LTBP1: variants seen among roughly 807,000 people sequenced by gnomAD.
The protein encoded by LTBP1 is latent transforming growth factor beta binding protein 1, also known as latent-transforming growth factor beta-binding protein 1.
In LTBP1, 129 loss-of-function variants were observed where a neutral mutation model predicts 207.6. The observed-to-expected ratio is 0.62, with a 90% CI of 0.54 to 0.72. The LOEUF (loss-of-function observed/expected upper bound fraction) is 0.72. Ranked by LOEUF, LTBP1 falls within the 30% of genes least tolerant of loss-of-function variation. The probability of loss-of-function intolerance (pLI) is 0.00; values close to 1 mark genes in which losing one functional copy is unlikely to be tolerated. For missense variants in LTBP1, 2,281 were observed against 2,217.2 expected (o/e 1.03, Z -0.58); for synonymous variants, 963 against 833.7 (o/e 1.16, Z -2.67).
intron 9 of LTBP1, among the ~76,000 whole-genome samples, chr2:33,242,534 C>G (rs1161534024): frequency 3.3e-5 from 5 of 151,920 alleles, no homozygotes; most frequent in Non-Finnish European, 7.4e-5. Context: ...TTCCTGCCTT[C>G]TTTCTTCCTC....
chr2:33,053,785 T>C (rs1309844778), intron 3 of LTBP1, among the ~76,000 whole-genome samples: 1 of 152,232 alleles, frequency 6.6e-6, no homozygotes, highest in Admixed American at 6.5e-5. Context: ...GCCTTCGACC[T>C]AGACACCTTG....
At chr2:33,004,786 A>AATATGTATATATATAT (rs1553365180) in intron 2 of LTBP1, among the ~76,000 whole-genome samples, 1 of 101,130 alleles carries the variant, frequency 9.9e-6, no homozygotes, top group African/African-American at 3.5e-5. Context: ...AAAAAAAAGG[A>AATATGTATATATATAT]ATATATATAT....
chr2:33,124,916 T>C (rs550025856), intron 4 of LTBP1, among the ~76,000 whole-genome samples: 7 of 152,296 alleles, frequency 4.6e-5, no homozygotes, highest in African/African-American at 1.7e-4. Context: ...CTGTGGGTGG[T>C]TTTGTATTCT....
chr2:33,346,780 CA>C (rs1436038250), intron 25 of LTBP1, among the ~76,000 whole-genome samples: 1 of 151,970 alleles, frequency 6.6e-6, no homozygotes, highest in African/African-American at 2.4e-5. Context: ...TCAGTGGGCA[CA>C]TACTAGTTTT....
intron 9 of LTBP1, among the ~76,000 whole-genome samples, chr2:33,228,932 C>G (rs1008662201): frequency 6.6e-6 from 1 of 151,846 alleles, no homozygotes; most frequent in African/African-American, 2.4e-5. Flanking sequence ...ATCTCCCAAC[C>G]TTCTGATTCA....
At chr2:33,065,451 G>A (rs2077464394) in intron 3 of LTBP1, among the ~76,000 whole-genome samples, 1 of 152,122 alleles carries the variant, frequency 6.6e-6, no homozygotes, top group Non-Finnish European at 1.5e-5. Context: ...CTACTCAGGA[G>A]GCAGATGTCG....
At chr2:33,334,710 A>G (rs925276588) in intron 24 of LTBP1, among the ~76,000 whole-genome samples, 2 of 152,086 alleles carry the variant, frequency 1.3e-5, no homozygotes, top group African/African-American at 4.8e-5. Context: ...GTTGACAAAA[A>G]TGGAGCAGTG....
chr2:33,273,420 C>T (rs78333831), intron 15 of LTBP1, among the ~76,000 whole-genome samples: 3,613 of 152,136 alleles, frequency 0.024, 150 homozygotes, highest in African/African-American at 0.083. Flanking sequence ...CACTTCAGTT[C>T]ATCTTAAAAA....
In LTBP1 at chr2:33,347,222, C is replaced by T; in HGVS notation, c.3857-145C>T. On this transcript the variant is annotated intron_variant, in intron 25 of 33. Transcript: ENST00000404816. ...ACAGCTCTACCTTAAAGAGCCCCTTCCCTAAAAGAGCAGAAGGGGTTTGAC... is the reference window on the plus strand; with the variant it reads ...ACAGCTCTACCTTAAAGAGCCCCTTTCCTAAAAGAGCAGAAGGGGTTTGAC... 5.3e-6 allele frequency: 4 copies of T among 758,006 alleles called. No individual in the cohort carries two copies. The South Asian group carries it at 5.3e-5, about 10-fold the overall frequency. The allele number at this position is 758,006 out of a possible 1,614,324, so 47.0% of individuals were successfully genotyped here. A position where few individuals can be genotyped will look rare whatever the true frequency, so the allele number is the denominator to read the frequency against.
chr2:33,207,134 A>G (rs4670307), intron 7 of LTBP1, among the ~76,000 whole-genome samples: 87,029 of 152,034 alleles, frequency 0.57, 25,095 homozygotes, highest in Middle Eastern at 0.61. Flanking sequence ...AATAGGCAGC[A>G]CAGATTCTAT....
At chr2:33,122,683 A>G (rs1325028930) in intron 4 of LTBP1, among the ~76,000 whole-genome samples, 1 of 152,254 alleles carries the variant, frequency 6.6e-6, no homozygotes, top group Non-Finnish European at 1.5e-5. Flanking sequence ...GAAGTTCAAC[A>G]GCATTTCTGA....
At chr2:32,958,556 G>A (rs1678470355) in intron 2 of LTBP1, among the ~76,000 whole-genome samples, 1 of 152,212 alleles carries the variant, frequency 6.6e-6, no homozygotes, top group African/African-American at 2.4e-5. Context: ...CTCCTGGGAA[G>A]CAGGTCCCTT....
rs1301739275 is a variant in LTBP1 at position 33,163,782 on chromosome 2, C to T, written c.1202-23074C>T. 2.0e-5 allele frequency among the ~76,000 whole-genome samples: 3 copies of T among 152,046 alleles called. No homozygotes were observed. In the South Asian group the frequency reaches 6.2e-4, roughly 31 times the overall value. On this transcript the variant is annotated intron_variant, in intron 5 of 33. Coordinates refer to ENST00000404816, the MANE Select transcript of LTBP1 (RefSeq NM_206943.4). ...GGGGGAGAAAAAGAAAATAAATTAA[C>T]CTACGTCAAAATCATTGATTTCTAG... is the stretch of plus-strand genomic sequence containing the variant.
intron 31 of LTBP1, among the ~76,000 whole-genome samples, chr2:33,381,092 G>A (rs376360471): frequency 1.2e-4 from 18 of 152,134 alleles, no homozygotes; most frequent in Admixed American, 7.2e-4. Flanking sequence ...TTTGTTTATT[G>A]TGTTGTTCAG....
chr2:33,234,095 C>A (rs568207015), intron 9 of LTBP1, among the ~76,000 whole-genome samples: 2 of 152,228 alleles, frequency 1.3e-5, no homozygotes, highest in South Asian at 4.1e-4. Context: ...TTCTTTCACT[C>A]AACAGTATAT....
At chr2:33,070,235 A>T (rs145290206) in intron 3 of LTBP1, among the ~76,000 whole-genome samples, 90 of 152,318 alleles carry the variant, frequency 5.9e-4, no homozygotes, top group African/African-American at 2.1e-3. Context: ...TTTTCCTTTG[A>T]AAAGTTTGTT....
In LTBP1 at chr2:33,340,148, C is replaced by T. The variant is rs562761073; in HGVS notation, c.3731-2690C>T. ...TGGCGAGCGCCTGTAGTCCCAGCTACTCAGGAGACTGAGGCAGGAGAATGA... is the reference window on the plus strand; with the variant it reads ...TGGCGAGCGCCTGTAGTCCCAGCTATTCAGGAGACTGAGGCAGGAGAATGA... On this transcript the variant is annotated intron_variant, in intron 24 of 33. Transcript: ENST00000404816. Among the ~76,000 whole-genome samples, 396 of 151,462 alleles carry T rather than the reference C, an allele frequency of 2.6e-3. 1 individual carries two copies. The highest frequency in any genetic ancestry group is 9.1e-3 in the African/African-American group (375 of 41,274).
intron 19 of LTBP1, among the ~76,000 whole-genome samples, chr2:33,291,298 A>C (rs1461775135): frequency 6.6e-6 from 1 of 152,250 alleles, no homozygotes; most frequent in Admixed American, 6.5e-5. Context: ...GTATGGTCTT[A>C]GAAATTGATT....
At chr2:33,162,015 A>G (rs1010082716) in intron 5 of LTBP1, among the ~76,000 whole-genome samples, 1 of 152,238 alleles carries the variant, frequency 6.6e-6, no homozygotes, top group Non-Finnish European at 1.5e-5. Context: ...TGAGAAGCAC[A>G]TGCTGAGGAA....
Sources: allele counts gnomAD v4.1 joint callset (sites outside exome capture counted in the v4.1 genomes callset), GRCh38; gene constraint gnomAD v4.1.1; transcripts MANE v1.5; gene names NCBI Gene and HGNC (gene_info 2026-07-23, HGNC 2026-07-21).